The following NDP variants were observed in gnomAD, a reference collection of about 807,000 sequenced individuals.
NDP encodes norrin.
Under a neutral mutation model 8.4 loss-of-function variants are expected in NDP, and 2 were observed. The ratio of observed to expected loss-of-function variants is 0.24; its 90% CI spans 0.10 to 0.75. NDP has a LOEUF of 0.75. Among genes scored for constraint, NDP ranks in the 30% least tolerant of loss-of-function variants. The pLI is 0.73. For missense variants in NDP, 81 were observed against 110.1 expected, an observed-to-expected ratio of 0.74 and a Z score of 1.18; for synonymous variants, 55 against 45.6, an observed-to-expected ratio of 1.21 and a Z score of -0.83.
chrX:43,955,525 G>T (rs766095810), intron 2 of NDP, among the ~76,000 whole-genome samples: 5 of 112,583 alleles, frequency 4.4e-5, no homozygotes, highest in Non-Finnish European at 7.5e-5. Flanking sequence ...ATTCCACCAG[G>T]CAGTCTGTTT....
rs2035752972 is a variant in NDP at position 43,950,182 on chromosome X, A to C, written c.175-156T>G. 2.6e-5 allele frequency: 13 copies of C among 495,766 alleles called. No individual in the cohort carries two copies. In the South Asian group the frequency reaches 3.7e-4, roughly 14 times the overall value. The allele number at this position is 495,766 out of a possible 1,213,427, so 40.9% of individuals were successfully genotyped here. On this transcript the variant is annotated intron_variant, in intron 2 of 2. Transcript: ENST00000642620. ...TTGCATTTTTTTTAAGTCAACACCCAGGCCTCATTCAGATCGATTGAATTA... is the reference window on the plus strand; with the variant it reads ...TTGCATTTTTTTTAAGTCAACACCCCGGCCTCATTCAGATCGATTGAATTA...
At chrX:43,966,499 A>G (rs1454316010) in intron 1 of NDP, 2 of 111,941 alleles carry the variant, frequency 1.8e-5, no homozygotes, top group Non-Finnish European at 3.8e-5. Flanking sequence ...GACACACTCT[A>G]CTGCTCACCT....
At position 43,950,040 on chromosome X, in the gene NDP, A is replaced by T; in HGVS notation, c.175-14T>A. 1 of 1,176,019 alleles carries T rather than the reference A, an allele frequency of 8.5e-7. No individual in the cohort carries two copies. Among genetic ancestry groups the T allele is most frequent in the Non-Finnish European group, 1.1e-6 (1 of 871,736 alleles). On this transcript the variant is annotated splice_polypyrimidine_tract_variant and intron_variant, in intron 2 of 2. Transcript: ENST00000642620. ...CAGGAGCACCATCTGGGGAAAGAAA[A>T]GGAGGTGGTTACTCTGTGGGCATGC...
intron 1 of NDP, among the ~76,000 whole-genome samples, chrX:43,961,246 A>C (rs888444579): frequency 8.0e-5 from 9 of 112,873 alleles, no homozygotes; most frequent in Admixed American, 2.8e-4. Flanking sequence ...AACTCTGTAG[A>C]GGCCAATCTG....
intron 1 of NDP, among the ~76,000 whole-genome samples, chrX:43,962,428 T>C (rs1395016592): frequency 9.0e-6 from 1 of 111,072 alleles, no homozygotes; most frequent in Middle Eastern, 4.2e-3. Flanking sequence ...GTGCAAAGTA[T>C]GGGAGTGGGA....
intron 1 of NDP, among the ~76,000 whole-genome samples, chrX:43,961,557 A>G (rs1019297724): frequency 1.8e-5 from 2 of 112,133 alleles, no homozygotes; most frequent in African/African-American, 6.5e-5. Context: ...CAAGAAACTA[A>G]CAAAATTAGT....
At chrX:43,958,974 G>A in intron 1 of NDP, 122 bp from the exon 2 acceptor site, 2 of 268,765 alleles carry the variant, frequency 7.4e-6, no homozygotes, top group East Asian at 8.8e-5. Flanking sequence ...GGTTTCTAGA[G>A]CGTCATTAGC....
chrX:43,964,641 C>T (rs1016398768), intron 1 of NDP, among the ~76,000 whole-genome samples: 4 of 111,487 alleles, frequency 3.6e-5, no homozygotes, highest in Non-Finnish European at 5.6e-5. Context: ...TGTTCCGTGT[C>T]CCTATACTGA....
intron 1 of NDP, among the ~76,000 whole-genome samples, chrX:43,967,497 A>G (rs2035865060): frequency 9.0e-6 from 1 of 110,859 alleles, no homozygotes; most frequent in Admixed American, 9.6e-5. Context: ...TGAGGAGTTG[A>G]CCTCCTTTTC....
In NDP at chrX:43,949,566, A is replaced by C. The variant is rs1195162819; in HGVS notation, c.*233T>G. 9 of 421,458 alleles carry C rather than the reference A, an allele frequency of 2.1e-5. No individual in the cohort carries two copies. Among genetic ancestry groups the C allele is most frequent in the Non-Finnish European group, 3.7e-5 (9 of 240,601 alleles). The allele number at this position is 421,458 out of a possible 1,213,427, so 34.7% of individuals were successfully genotyped here. On this transcript the variant is annotated 3_prime_UTR_variant, in exon 3 of 3. Transcript: ENST00000642620. ...CCAAGGGGGAAAATGCCTGAATCTG[A>C]AAATGAACCAAAAGAAATTGTACCA...
Position 43,958,771 on chromosome X carries a change from T to C in NDP, c.-126A>G, listed in dbSNP as rs1394082898. 7.1e-5 allele frequency: 41 copies of C among 579,261 alleles called. No individual in the cohort carries two copies. The highest frequency in any genetic ancestry group is 1.2e-5 in the Non-Finnish European group (4 of 345,556). The allele number at this position is 579,261 out of a possible 1,213,427, so 47.7% of individuals were successfully genotyped here. On this transcript the variant is annotated 5_prime_UTR_variant, in exon 2 of 3. Transcript: ENST00000642620. ...AGGGCAGGATCGGGCTGAAGCTTTCTGGTTGTCATTGTCCTTTATGTGCTG... is the reference window on the plus strand; with the variant it reads ...AGGGCAGGATCGGGCTGAAGCTTTCCGGTTGTCATTGTCCTTTATGTGCTG...
At chrX:43,953,576 G>A (rs376486474) in intron 2 of NDP, among the ~76,000 whole-genome samples, 7 of 112,362 alleles carry the variant, frequency 6.2e-5, no homozygotes, top group East Asian at 5.6e-4. Flanking sequence ...CCATCATTTC[G>A]CTAATAAGAA....
At chrX:43,971,183 A>G (rs946912998) in intron 1 of NDP, among the ~76,000 whole-genome samples, 1 of 112,252 alleles carries the variant, frequency 8.9e-6, no homozygotes, top group Admixed American at 9.4e-5. Flanking sequence ...ACAATGTCTC[A>G]TTCACCTTTG....
chrX:43,972,001 G>A (rs1446516491), intron 1 of NDP, among the ~76,000 whole-genome samples: 3 of 111,742 alleles, frequency 2.7e-5, no homozygotes, highest in African/African-American at 9.8e-5. Context: ...TGCCGTCCCC[G>A]CTGTATTTGG....
chrX:43,957,849 C>T (rs960267384), intron 2 of NDP, among the ~76,000 whole-genome samples: 11 of 104,359 alleles, frequency 1.1e-4, no homozygotes, highest in African/African-American at 3.9e-4. Flanking sequence ...TGTAGCTGGC[C>T]ACTCTTGGTG....
intron 2 of NDP, among the ~76,000 whole-genome samples, chrX:43,955,481 C>T (rs1471659276): frequency 8.9e-6 from 1 of 112,395 alleles, no homozygotes; most frequent in Non-Finnish European, 1.9e-5. Context: ...GTCTCTCTCA[C>T]TTCAAAGCCT....
At chrX:43,970,479 G>A (rs1174606875) in intron 1 of NDP, among the ~76,000 whole-genome samples, 1 of 111,746 alleles carries the variant, frequency 8.9e-6, no homozygotes, top group Non-Finnish European at 1.9e-5. Flanking sequence ...CTGCTGATAA[G>A]GACCAAGTCA....
chrX:43,958,810 C>T lies in NDP; in HGVS notation c.-165G>A. On this transcript the variant is annotated 5_prime_UTR_variant, in exon 2 of 3. Coordinates refer to ENST00000642620, the MANE Select transcript of NDP (RefSeq NM_000266.4). Reference sequence around the variant, plus strand: ...CTTTATGTGCTGGAGTTTTGTCTTACTCTTTGCACTTGCAATCCATCATCA... The same window carrying T: ...CTTTATGTGCTGGAGTTTTGTCTTATTCTTTGCACTTGCAATCCATCATCA... 2.1e-6 allele frequency: 1 copy of T among 485,144 alleles called. No homozygotes were observed. Among genetic ancestry groups the T allele is most frequent in the East Asian group, 3.7e-5 (1 of 27,091 alleles). 40.0% of individuals were successfully genotyped at this position (485,144 alleles called of 1,213,427 possible).
intron 1 of NDP, among the ~76,000 whole-genome samples, chrX:43,972,536 G>A (rs891986044): frequency 9.9e-5 from 11 of 111,358 alleles, no homozygotes; most frequent in African/African-American, 3.6e-4. Context: ...GTCACTCCTT[G>A]AACATCATGC....
Sources: allele counts gnomAD v4.1 joint callset (sites outside exome capture counted in the v4.1 genomes callset), GRCh38; gene constraint gnomAD v4.1.1; transcripts MANE v1.5; gene names NCBI Gene and HGNC (gene_info 2026-07-23, HGNC 2026-07-21).